ROBO2: variants seen among roughly 807,000 people sequenced by gnomAD.
ROBO2 encodes the protein roundabout guidance receptor 2, also known as roundabout homolog 2.
Under a neutral mutation model 160.8 loss-of-function variants are expected in ROBO2, and 53 were observed. The ratio of observed to expected loss-of-function variants is 0.33; its 90% CI spans 0.26 to 0.41. The LOEUF (loss-of-function observed/expected upper bound fraction) is 0.41, where lower values mean the gene tolerates loss of function less well. ROBO2 is among the 10% of genes least tolerant of loss of function. ROBO2 has a pLI of 1.00. For missense variants in ROBO2, 1,577 were observed against 1,722.4 expected (o/e 0.92, Z 1.49); for synonymous variants, 664 against 611.7 (o/e 1.09, Z -1.26).
intron 2 of ROBO2, among the ~76,000 whole-genome samples, chr3:76,547,949 C>T (rs1258163641): frequency 6.6e-6 from 1 of 152,042 alleles, no homozygotes; most frequent in Non-Finnish European, 1.5e-5. Context: ...TGTTACAGTC[C>T]TGGTAAGATT....
At chr3:76,969,119 C>T (rs1442807971) in intron 2 of ROBO2, among the ~76,000 whole-genome samples, 1 of 152,138 alleles carries the variant, frequency 6.6e-6, no homozygotes, top group Non-Finnish European at 1.5e-5. Flanking sequence ...CAGCTATCAA[C>T]TGGTTCAAGG....
intron 2 of ROBO2, among the ~76,000 whole-genome samples, chr3:76,855,208 TC>T (rs1370585019): frequency 1.3e-5 from 2 of 152,234 alleles, no homozygotes; most frequent in Admixed American, 6.5e-5. Context: ...TAGTTTGTTA[TC>T]CTCCATTTAA....
chr3:77,200,302 TATATATATATATATATA>T (rs2082756119), intron 2 of ROBO2, among the ~76,000 whole-genome samples: 2 of 83,718 alleles, frequency 2.4e-5, no homozygotes, highest in South Asian at 3.5e-4. Context: ...TATATATATA[TATATATATATATATATA>T]TATTTTAGTT....
intron 2 of ROBO2, among the ~76,000 whole-genome samples, chr3:76,488,446 G>T (rs1211450225): frequency 1.3e-5 from 2 of 151,900 alleles, no homozygotes; most frequent in African/African-American, 4.8e-5. Flanking sequence ...TCCTCTCTCT[G>T]CTGTTAGAGA....
At position 77,308,717 on chromosome 3, in the gene ROBO2, A is replaced by G. The variant is rs62251208; in HGVS notation, c.389-168697A>G. On this transcript the variant is annotated intron_variant, in intron 2 of 25. Transcript: ENST00000461745. ...GGATTTTCATAGCTTTCCAAAATCT[A>G]AAATGCCTCTATTGTGCACAGAATT... Among the ~76,000 whole-genome samples, 397 of 152,310 alleles carry G rather than the reference A, an allele frequency of 2.6e-3. 2 individuals carry two copies. Among genetic ancestry groups the G allele is most frequent in the Middle Eastern group, 0.014 (4 of 294 alleles).
rs762639441 is a variant in ROBO2, at chr3:76,567,807, ATTTTT to A, written c.110-530195_110-530191del. On this transcript the variant is annotated intron_variant, in intron 2 of 26. Transcript: ENST00000487694. Reference sequence around the variant, plus strand: ...TGTGTGTGTGTGTGTGTATATATATATTTTTTTTTTTTTTTTGGGGGGGGTTGGAC... The same window carrying A: ...TGTGTGTGTGTGTGTGTATATATATATTTTTTTTTTTGGGGGGGGTTGGAC... Among the ~76,000 whole-genome samples the A allele has an allele frequency of 4.8e-4, 35 of 72,338 alleles. 2 individuals are homozygous for A. The South Asian group carries it at 6.2e-3, about 13-fold the overall frequency. The allele number at this position is 72,338 out of a possible 152,430, so 47.5% of individuals were successfully genotyped here.
At chr3:77,221,708 G>A (rs987085424) in intron 2 of ROBO2, among the ~76,000 whole-genome samples, 4 of 152,048 alleles carry the variant, frequency 2.6e-5, no homozygotes, top group Non-Finnish European at 5.9e-5. Flanking sequence ...TTGGCAGTTT[G>A]GAAAAGATCT....
chr3:77,634,233 A>G (rs2095224338), intron 23 of ROBO2: 1 of 153,372 alleles, frequency 6.5e-6, no homozygotes, highest in South Asian at 2.0e-4. Context: ...ATCAGAAAAT[A>G]CCTATTGCAT....
intron 2 of ROBO2, among the ~76,000 whole-genome samples, chr3:77,253,922 AG>A (rs1320966933): frequency 6.6e-6 from 1 of 152,174 alleles, no homozygotes; most frequent in Non-Finnish European, 1.5e-5. Context: ...ATAAAGAAAA[AG>A]GGTATATCTT....
intron 2 of ROBO2, among the ~76,000 whole-genome samples, chr3:77,341,996 CT>C (rs2067114301): frequency 6.6e-6 from 1 of 152,012 alleles, no homozygotes; most frequent in African/African-American, 2.4e-5. Flanking sequence ...GTAGAAATTG[CT>C]GGATATTAAG....
intron 2 of ROBO2, among the ~76,000 whole-genome samples, chr3:76,548,105 G>A (rs571136100): frequency 6.6e-6 from 1 of 152,116 alleles, no homozygotes; most frequent in South Asian, 2.1e-4. Flanking sequence ...TTTTTGGTAA[G>A]GTAAATTCAT....
At chr3:76,969,209 C>T (rs2059451184) in intron 2 of ROBO2, among the ~76,000 whole-genome samples, 1 of 151,980 alleles carries the variant, frequency 6.6e-6, no homozygotes, top group African/African-American at 2.4e-5. Flanking sequence ...ATTTTAGAAT[C>T]AATACAGTAA....
intron 2 of ROBO2, among the ~76,000 whole-genome samples, chr3:76,271,554 T>C (rs1707432934): frequency 6.6e-6 from 1 of 150,524 alleles, no homozygotes; most frequent in African/African-American, 2.4e-5. Context: ...CTCTGCAATC[T>C]TTTCAATGAG....
chr3:75,997,408 G>T (rs1268481339), intron 2 of ROBO2, among the ~76,000 whole-genome samples: 3 of 151,568 alleles, frequency 2.0e-5, no homozygotes, highest in Non-Finnish European at 4.4e-5. Context: ...CTCTGCAAAA[G>T]AACTTTTGGA....
chr3:76,007,796 TA>T (rs528981420), intron 2 of ROBO2, among the ~76,000 whole-genome samples: 246 of 152,244 alleles, frequency 1.6e-3, no homozygotes, highest in African/African-American at 4.3e-3. Context: ...ATAATCTTTG[TA>T]AAAAAACTAC....
rs78473318 is a variant in ROBO2, at chr3:76,077,945, G to A, written c.109+140343G>A. Among the ~76,000 whole-genome samples, 4 of 152,186 alleles carry A rather than the reference G, an allele frequency of 2.6e-5. No homozygotes were observed. The East Asian group carries it at 7.8e-4, about 29-fold the overall frequency. ...TTTGCCACCAAAATAAAACAGAAGA[G>A]CATAATTTCCTCATTTCTTAGAATG... On this transcript the variant is annotated intron_variant, in intron 2 of 26. Transcript: ENST00000487694.
At chr3:76,192,700 C>A (rs980084126) in intron 2 of ROBO2, among the ~76,000 whole-genome samples, 1 of 152,056 alleles carries the variant, frequency 6.6e-6, no homozygotes, top group African/African-American at 2.4e-5. Context: ...TAAATTACTT[C>A]TGAATTGTGA....
chr3:76,099,399 GAAA>G (rs11304764), intron 2 of ROBO2, among the ~76,000 whole-genome samples: 2 of 150,302 alleles, frequency 1.3e-5, no homozygotes, highest in African/African-American at 4.9e-5. Flanking sequence ...ATTTTGTGCT[GAAA>G]AAAAAAAATG....
At chr3:77,038,208 A>G (rs1334416360), upstream of ROBO2, among the ~76,000 whole-genome samples, 1 of 152,222 alleles carries the variant, frequency 6.6e-6, no homozygotes, top group Non-Finnish European at 1.5e-5. Context: ...ACAATAGCAC[A>G]TTCAGAATTA....
Sources: allele counts gnomAD v4.1 joint callset (sites outside exome capture counted in the v4.1 genomes callset), GRCh38; gene constraint gnomAD v4.1.1; transcripts MANE v1.5; gene names NCBI Gene and HGNC (gene_info 2026-07-23, HGNC 2026-07-21).